The following ANKRD30B variants were observed in gnomAD, a reference collection of about 807,000 sequenced individuals.
ANKRD30B encodes ankyrin repeat domain-containing protein 30B.
Under a neutral mutation model 202.2 loss-of-function variants are expected in ANKRD30B, and 144 were observed. The observed-to-expected ratio is 0.71, with a 90% CI of 0.62 to 0.82. The LOEUF (loss-of-function observed/expected upper bound fraction) is 0.82, where lower values mean the gene tolerates loss of function less well. ANKRD30B is among the 40% of genes least tolerant of loss of function. ANKRD30B has a pLI of 0.00. For missense variants in ANKRD30B, 1,487 were observed against 1,669.1 expected (o/e 0.89, Z 1.90); for synonymous variants, 508 against 561.3 (o/e 0.91, Z 1.34).
At chr18:14,850,447 T>A in intron 41 of ANKRD30B, 65 bp downstream of exon 41, 1 of 1,386,690 alleles carries the variant, frequency 7.2e-7, no homozygotes, top group South Asian at 1.5e-5. Flanking sequence ...ACTTTTAACA[T>A]CCCTTTGATT....
At chr18:14,760,104 A>G (rs1349630584) in intron 5 of ANKRD30B, among the ~76,000 whole-genome samples, 1 of 152,190 alleles carries the variant, frequency 6.6e-6, no homozygotes, top group African/African-American at 2.4e-5. Context: ...AGAATAAATT[A>G]TTTCATTGCT....
intron 10 of ANKRD30B, among the ~76,000 whole-genome samples, chr18:14,779,203 T>G (rs1288144985): frequency 2.0e-5 from 3 of 152,212 alleles, no homozygotes. Flanking sequence ...TATATTGATT[T>G]TCTGCCTCAT....
At chr18:14,911,038 A>G in the ANKRD30B span, among the ~76,000 whole-genome samples, 1 of 151,874 alleles carries the variant, frequency 6.6e-6, no homozygotes, top group Non-Finnish European at 1.5e-5. Context: ...TTTGACTGAT[A>G]GTTTGCAAAT....
chr18:14,821,008 T>G (rs1299382150), intron 30 of ANKRD30B, among the ~76,000 whole-genome samples: 1 of 152,198 alleles, frequency 6.6e-6, no homozygotes, highest in East Asian at 1.9e-4. Flanking sequence ...TCTTTTTGGT[T>G]GGTAAACTAT....
At chr18:14,897,476 C>T in the ANKRD30B span, among the ~76,000 whole-genome samples, 6 of 151,892 alleles carry the variant, frequency 4.0e-5, no homozygotes, top group Admixed American at 2.6e-4. Flanking sequence ...CCACCATGCC[C>T]GCCCCTAGCT....
chr18:14,924,580 C>G, the ANKRD30B span, among the ~76,000 whole-genome samples: 2 of 152,206 alleles, frequency 1.3e-5, no homozygotes, highest in East Asian at 3.9e-4. Context: ...GTGAGAGATA[C>G]AGCAGAGCCG....
chr18:14,917,909 G>C, the ANKRD30B span, among the ~76,000 whole-genome samples: 5 of 152,220 alleles, frequency 3.3e-5, no homozygotes, highest in African/African-American at 1.2e-4. Context: ...CGATGAGCAA[G>C]GTGTTCTTGT....
chr18:14,769,603 T>A (rs1567992908), intron 8 of ANKRD30B, among the ~76,000 whole-genome samples: 1 of 152,206 alleles, frequency 6.6e-6, no homozygotes, highest in Non-Finnish European at 1.5e-5. Context: ...GGCCTATGAT[T>A]CATAGCTAAA....
chr18:14,791,546 A>T lies in ANKRD30B; in HGVS notation c.1825+55A>T, dbSNP rs138171342. On this transcript the variant is annotated intron_variant, in intron 16 of 43. Coordinates refer to ENST00000690538, the MANE Select transcript of ANKRD30B (RefSeq NM_001367607.2). ...TTTGACCAAATATTTATCTAAACTGATGAGGAAGGATATCCTCTAATAGAT... is the reference window on the plus strand; with the variant it reads ...TTTGACCAAATATTTATCTAAACTGTTGAGGAAGGATATCCTCTAATAGAT... The T allele has an allele frequency of 5.3e-3, 7,271 of 1,368,392 alleles. 27 individuals carry two copies. The highest frequency in any genetic ancestry group is 6.0e-3 in the Non-Finnish European group (5,846 of 978,518). 84.8% of individuals were successfully genotyped at this position (1,368,392 alleles called of 1,614,324 possible).
At chr18:14,799,823 G>A (rs115975013) in intron 22 of ANKRD30B, among the ~76,000 whole-genome samples, 6,316 of 152,096 alleles carry the variant, frequency 0.042, 443 homozygotes, top group African/African-American at 0.14. Flanking sequence ...TGTTTCAGAA[G>A]TGTGACTCTA....
At chr18:14,750,381 TA>T (rs1913234711) in intron 1 of ANKRD30B, among the ~76,000 whole-genome samples, 1 of 152,106 alleles carries the variant, frequency 6.6e-6, no homozygotes, top group Admixed American at 6.5e-5. Flanking sequence ...CAGGAAACAA[TA>T]TTAGTGTTCC....
chr18:14,810,367 A>C lies in ANKRD30B; in HGVS notation c.2488+187A>C, dbSNP rs898742385. On this transcript the variant is annotated intron_variant, in intron 28 of 43. Coordinates refer to ENST00000690538, the MANE Select transcript of ANKRD30B (RefSeq NM_001367607.2). ...TTAGAAGCATAAGAATTAGGGATTT[A>C]GAAAAAAATTCTGCTTTACGTCATG... 7.3e-5 allele frequency among the ~76,000 whole-genome samples: 11 copies of C among 151,410 alleles called. 1 individual carries two copies. The highest frequency in any genetic ancestry group is 2.4e-4 in the African/African-American group (10 of 41,020).
chr18:14,757,373 G>A (rs1271051684), intron 4 of ANKRD30B, among the ~76,000 whole-genome samples: 1 of 152,172 alleles, frequency 6.6e-6, no homozygotes, highest in Non-Finnish European at 1.5e-5. Flanking sequence ...TTAATTCAGT[G>A]TCTCATACAT....
chr18:14,850,616 C>A (rs1971842218), intron 41 of ANKRD30B, among the ~76,000 whole-genome samples: 1 of 151,616 alleles, frequency 6.6e-6, no homozygotes, highest in Admixed American at 6.6e-5. Context: ...CTACCATATA[C>A]TTAGTGATAA....
At chr18:14,799,421 T>A in intron 22 of ANKRD30B, 126 bp downstream of exon 22, 1 of 994,406 alleles carries the variant, frequency 1.0e-6, no homozygotes, top group Non-Finnish European at 1.4e-6. Context: ...GATAAAATAA[T>A]GGCAACATTA....
intron 15 of ANKRD30B, among the ~76,000 whole-genome samples, chr18:14,788,405 T>C (rs1968230038): frequency 6.6e-6 from 1 of 152,154 alleles, no homozygotes; most frequent in Non-Finnish European, 1.5e-5. Context: ...TCTTTTATTA[T>C]TATTATACTT....
At chr18:14,935,204 A>G in the ANKRD30B span, among the ~76,000 whole-genome samples, 2 of 152,220 alleles carry the variant, frequency 1.3e-5, no homozygotes, top group Non-Finnish European at 2.9e-5. Context: ...ATTCAAAGGT[A>G]GACTCATGAA....
chr18:14,771,715 T>C (rs1319160514), intron 8 of ANKRD30B, among the ~76,000 whole-genome samples: 1 of 152,160 alleles, frequency 6.6e-6, no homozygotes, highest in African/African-American at 2.4e-5. Flanking sequence ...AGATAGACAA[T>C]GGATAAGGGA....
chr18:14,824,076 T>G (rs1970567235), intron 32 of ANKRD30B, among the ~76,000 whole-genome samples: 1 of 151,064 alleles, frequency 6.6e-6, no homozygotes, highest in Non-Finnish European at 1.5e-5. Flanking sequence ...TTTCAATAAA[T>G]AGTTGTACAC....
Sources: allele counts gnomAD v4.1 joint callset (sites outside exome capture counted in the v4.1 genomes callset), GRCh38; gene constraint gnomAD v4.1.1; transcripts MANE v1.5; gene names NCBI Gene and HGNC (gene_info 2026-07-23, HGNC 2026-07-21).